The following TNRC18 variants were observed in gnomAD, a reference collection of about 807,000 sequenced individuals.
TNRC18 encodes the protein trinucleotide repeat-containing gene 18 protein.
Under a neutral mutation model 226.7 loss-of-function variants are expected in TNRC18, and 69 were observed. That is an observed-to-expected ratio of 0.30 (90% CI 0.25 to 0.37). The LOEUF is 0.37. Ranked by LOEUF, TNRC18 falls within the 10% of genes least tolerant of loss-of-function variation. TNRC18 has a pLI of 1.00. For synonymous variants in TNRC18, 2,449 were observed against 1,927.6 expected, an observed-to-expected ratio of 1.27 and a Z score of -7.09; for missense variants, 4,754 against 4,256.6, an observed-to-expected ratio of 1.12 and a Z score of -3.25.
chr7:5,327,509 G>A (rs1357239778), intron 19 of TNRC18, among the ~76,000 whole-genome samples: 2 of 151,782 alleles, frequency 1.3e-5, no homozygotes, highest in Non-Finnish European at 2.9e-5. Flanking sequence ...TGTTAGTGGC[G>A]CTGTCCCCTT....
chr7:5,359,322 G>T (rs762184781), intron 15 of TNRC18, 76 bp downstream of exon 15: 4 of 1,483,224 alleles, frequency 2.7e-6, no homozygotes, highest in Non-Finnish European at 3.7e-6. Context: ...GCCTGCGAAG[G>T]GAGCGTGAAC....
intron 2 of TNRC18, among the ~76,000 whole-genome samples, chr7:5,395,055 G>A (rs888617743): frequency 6.6e-6 from 1 of 152,090 alleles, no homozygotes; most frequent in Non-Finnish European, 1.5e-5. Flanking sequence ...GCCCAGAGAG[G>A]ACACCCACCC....
At chr7:5,319,546 T>A (rs913203759) in intron 24 of TNRC18, among the ~76,000 whole-genome samples, 6 of 152,180 alleles carry the variant, frequency 3.9e-5, no homozygotes, top group African/African-American at 1.4e-4. Flanking sequence ...TCTCACTCTG[T>A]CACCCAGGCT....
At position 5,421,492 on chromosome 7, in the gene TNRC18, T is replaced by A. The variant is rs1207903502; in HGVS notation, c.-243-3A>T. 1.3e-5 allele frequency: 2 copies of A among 151,634 alleles called. No individual in the cohort carries two copies. The highest frequency in any genetic ancestry group is 2.9e-5 in the Non-Finnish European group (2 of 68,620). The allele number at this position is 151,634 out of a possible 1,614,324, so 9.4% of individuals were successfully genotyped here. A position where few individuals can be genotyped will look rare whatever the true frequency, so the allele number is the denominator to read the frequency against. ...GCGCGAGGCGGCGCACACGGCGTCTTGGCGGGGAGGAGACAGGCCGCGGAA... is the reference window on the plus strand; with the variant it reads ...GCGCGAGGCGGCGCACACGGCGTCTAGGCGGGGAGGAGACAGGCCGCGGAA... On this transcript the variant is annotated splice_polypyrimidine_tract_variant and splice_region_variant and intron_variant, in intron 1 of 29. Transcript: ENST00000430969.
intron 29 of TNRC18, 82 bp from the exon 30 acceptor site, chr7:5,308,394 CAGAAGCAGAGGGAGCCCCAGGGACTG>C: frequency 7.6e-7 from 1 of 1,323,402 alleles, no homozygotes; most frequent in Non-Finnish European, 1.0e-6. Context: ...GGGACAGAGA[CAGAAGCAGAGGGAGCCCCAGGGACTG>C]AGACAGAGAC....
chr7:5,322,013 C>T (rs532397733), intron 21 of TNRC18, among the ~76,000 whole-genome samples: 1 of 151,844 alleles, frequency 6.6e-6, no homozygotes, highest in African/African-American at 2.4e-5. Flanking sequence ...GGCGCGATGG[C>T]TCACACCTGT....
Position 5,307,411 on chromosome 7 carries a change from G to A in TNRC18, c.*695C>T, listed in dbSNP as rs1422335709. 6 of 321,538 alleles carry A rather than the reference G, an allele frequency of 1.9e-5. No individual in the cohort carries two copies. Among genetic ancestry groups the A allele is most frequent in the South Asian group, 4.5e-5 (2 of 44,174 alleles). 19.9% of individuals were successfully genotyped at this position (321,538 alleles called of 1,614,324 possible). ...CCTCCTGGGTGGGGAGGGGCCAGGC[G>A]TGGCCGGGCGACAGTTTCAGCACCA... On this transcript the variant is annotated 3_prime_UTR_variant, in exon 30 of 30. Transcript: ENST00000430969.
chr7:5,310,878 GTGTGCACATGTTCATCTGTGCATT>G (rs964441694), intron 27 of TNRC18, among the ~76,000 whole-genome samples: 1 of 152,242 alleles, frequency 6.6e-6, no homozygotes, highest in African/African-American at 2.4e-5. Flanking sequence ...ATGTGCCTGT[GTGTGCACATGTTCATCTGTGCATT>G]TGTGCACGTG....
intron 17 of TNRC18, among the ~76,000 whole-genome samples, chr7:5,351,363 C>G (rs1266850433): frequency 2.0e-5 from 3 of 152,122 alleles, no homozygotes; most frequent in Admixed American, 2.0e-4. Context: ...TCAAGTCACA[C>G]GCCCACACGA....
Position 5,361,880 on chromosome 7 carries a change from G to A in TNRC18, c.4532+17C>T, listed in dbSNP as rs1453740670. The A allele has an allele frequency of 1.9e-6, 3 of 1,539,224 alleles. No homozygotes were observed. Among genetic ancestry groups the A allele is most frequent in the Non-Finnish European group, 2.6e-6 (3 of 1,143,296 alleles). ...CCGGGGCAGGGGCCCCACGGGGCGG[G>A]CGGGGGACACACTCACTCGGAGTCC... On this transcript the variant is annotated intron_variant, in intron 13 of 29. Coordinates refer to ENST00000430969, the MANE Select transcript of TNRC18 (RefSeq NM_001080495.3).
chr7:5,404,446 C>G (rs555957182), intron 2 of TNRC18, among the ~76,000 whole-genome samples: 1 of 152,134 alleles, frequency 6.6e-6, no homozygotes, highest in East Asian at 1.9e-4. Context: ...ATTTCAAGGC[C>G]ATTAGCATTA....
In TNRC18 at chr7:5,320,432, A is replaced by G; in HGVS notation, c.6637-6T>C. 1 of 1,562,014 alleles carries G rather than the reference A, an allele frequency of 6.4e-7. No homozygotes were observed. Among genetic ancestry groups the G allele is most frequent in the South Asian group, 1.2e-5 (1 of 84,700 alleles). On this transcript the variant is annotated splice_polypyrimidine_tract_variant and splice_region_variant and intron_variant, in intron 23 of 29. Transcript: ENST00000430969. ...GCTGGCCTCACATCGATGATCTAGA[A>G]GGGCATGGGATGAGTGCAAGGTGTG... is the stretch of plus-strand genomic sequence containing the variant.
At position 5,421,412 on chromosome 7, in the gene TNRC18, C is replaced by A; in HGVS notation, c.-166G>T. On this transcript the variant is annotated 5_prime_UTR_variant, in exon 2 of 30. Coordinates refer to ENST00000430969, the MANE Select transcript of TNRC18 (RefSeq NM_001080495.3). ...CTTGCGCTCGGCGGCGGGCCCGCGGCCCGGGGCGCACAGGCGGCCGGCGGT... is the reference window on the plus strand; with the variant it reads ...CTTGCGCTCGGCGGCGGGCCCGCGGACCGGGGCGCACAGGCGGCCGGCGGT... 2.1e-6 allele frequency: 1 copy of A among 479,292 alleles called. No homozygotes were observed. The highest frequency in any genetic ancestry group is 2.7e-6 in the Non-Finnish European group (1 of 363,694). The allele number at this position is 479,292 out of a possible 1,614,324, so 29.7% of individuals were successfully genotyped here.
At chr7:5,334,774 C>T (rs570237111) in intron 18 of TNRC18, among the ~76,000 whole-genome samples, 1 of 152,168 alleles carries the variant, frequency 6.6e-6, no homozygotes, top group South Asian at 2.1e-4. Flanking sequence ...CCTTCACAGG[C>T]CCATTGTGTA....
intron 2 of TNRC18, among the ~76,000 whole-genome samples, chr7:5,408,294 G>A (rs11981668): frequency 0.28 from 39,351 of 139,052 alleles, 5,689 homozygotes; most frequent in Admixed American, 0.31. Context: ...CAAGACTTCC[G>A]TCTCAAAAAA....
intron 2 of TNRC18, among the ~76,000 whole-genome samples, chr7:5,410,141 T>C (rs1444643732): frequency 7.3e-6 from 1 of 137,564 alleles, no homozygotes; most frequent in Non-Finnish European, 1.6e-5. Context: ...TGAAACCCCA[T>C]CTCTACTAAA....
intron 5 of TNRC18, among the ~76,000 whole-genome samples, chr7:5,383,546 G>C (rs1349826716): frequency 6.6e-6 from 1 of 152,340 alleles, no homozygotes; most frequent in Admixed American, 6.5e-5. Context: ...GCAGAGCTTG[G>C]ACTTAAACCC....
rs1371140190 is a variant in TNRC18 at position 5,307,236 on chromosome 7, TCA to T, written c.*868_*869del. On this transcript the variant is annotated 3_prime_UTR_variant, in exon 30 of 30. Coordinates refer to ENST00000430969, the MANE Select transcript of TNRC18 (RefSeq NM_001080495.3). ...TTTTTTATAATTTCATAGCTATTTT[TCA>T]CAGTTTTAAAAAGTTTATATATATA... The T allele has an allele frequency of 1.4e-4, 21 of 149,932 alleles. No individual in the cohort carries two copies. Among genetic ancestry groups the T allele is most frequent in the Admixed American group, 8.0e-4 (12 of 15,052 alleles). 9.3% of individuals were successfully genotyped at this position (149,932 alleles called of 1,614,324 possible).
chr7:5,337,117 C>T (rs1163065606), intron 18 of TNRC18, among the ~76,000 whole-genome samples: 1 of 152,054 alleles, frequency 6.6e-6, no homozygotes, highest in African/African-American at 2.4e-5. Flanking sequence ...AACACGAACC[C>T]CCAGGAACAA....
Sources: allele counts gnomAD v4.1 joint callset (sites outside exome capture counted in the v4.1 genomes callset), GRCh38; gene constraint gnomAD v4.1.1; transcripts MANE v1.5; gene names NCBI Gene and HGNC (gene_info 2026-07-23, HGNC 2026-07-21).